Variants in IQSEC2 observed in about 807,000 individuals in gnomAD.
IQSEC2 encodes IQ motif and SEC7 domain-containing protein 2.
Under a neutral mutation model 74.6 loss-of-function variants are expected in IQSEC2, and 6 were observed. The ratio of observed to expected loss-of-function variants is 0.08; its 90% CI spans 0.04 to 0.16. The LOEUF (loss-of-function observed/expected upper bound fraction) is 0.16. IQSEC2 is among the 10% of genes least tolerant of loss of function. The pLI is 1.00. For synonymous variants in IQSEC2, 494 were observed against 544.5 expected, an observed-to-expected ratio of 0.91 and a Z score of 1.29; for missense variants, 734 against 1,306.2, an observed-to-expected ratio of 0.56 and a Z score of 6.75.
chrX:53,267,055 C>G, intron 2 of IQSEC2: 1 of 1,152,338 alleles, frequency 8.7e-7, no homozygotes, highest in Non-Finnish European at 1.1e-6. Context: ...CCTCCTCCTC[C>G]TCCTCTTCCC....
chrX:53,252,265 T>C (rs782735113), intron 4 of IQSEC2, among the ~76,000 whole-genome samples: 5 of 108,799 alleles, frequency 4.6e-5, no homozygotes, highest in Non-Finnish European at 9.5e-5. Flanking sequence ...TTCGCCATGA[T>C]GGACAGGCTG....
rs1556861372 is a variant in IQSEC2, at chrX:53,243,444, C to T, written c.2777G>A (p.Arg926Gln). ...RGVDNGEDIP[R>Q]DLLVGIYQRI... ...CTGGTAGATGCCCACCAGGAGGTCT[C>T]GGGGGATGTCTTCACCATTGTCAAC... Residue 926 changes from arginine to glutamine, a missense_variant, in exon 9 of 15, where the codon CGA becomes CAA. Coordinates refer to ENST00000642864, the MANE Select transcript of IQSEC2 (RefSeq NM_001111125.3). 31 of 1,176,647 alleles carry T rather than the reference C, an allele frequency of 2.6e-5. No homozygotes were observed. The highest frequency in any genetic ancestry group is 3.4e-5 in the Non-Finnish European group (30 of 877,293).
intron 1 of IQSEC2, among the ~76,000 whole-genome samples, chrX:53,307,000 C>T (rs1556876788): frequency 9.0e-6 from 1 of 110,536 alleles, no homozygotes; most frequent in East Asian, 2.9e-4. Flanking sequence ...TTCCCTGCCA[C>T]CCCAACCCCC....
intron 1 of IQSEC2, among the ~76,000 whole-genome samples, chrX:53,306,678 C>T (rs1210116545): frequency 5.4e-5 from 6 of 111,549 alleles, no homozygotes; most frequent in African/African-American, 2.0e-4. Flanking sequence ...CTCCCAGGAC[C>T]CCACCATAAT....
chrX:53,295,270 G>C (rs1333424159), intron 1 of IQSEC2, among the ~76,000 whole-genome samples: 1 of 112,052 alleles, frequency 8.9e-6, no homozygotes, highest in Admixed American at 9.5e-5. Flanking sequence ...TCAAAAACAG[G>C]CATGTAATCT....
intron 2 of IQSEC2, among the ~76,000 whole-genome samples, chrX:53,284,948 G>A (rs2075011044): frequency 8.9e-6 from 1 of 112,317 alleles, no homozygotes; most frequent in Non-Finnish European, 1.9e-5. Context: ...TAAGCAACCA[G>A]GGCCACAGTT....
intron 8 of IQSEC2, among the ~76,000 whole-genome samples, chrX:53,244,170 C>T (rs782443372): frequency 9.4e-6 from 1 of 105,891 alleles, no homozygotes; most frequent in East Asian, 2.9e-4. Flanking sequence ...GAGCCAAGAT[C>T]GCGCCACTGC....
intron 5 of IQSEC2, among the ~76,000 whole-genome samples, chrX:53,249,180 C>T (rs1017248928): frequency 9.0e-6 from 1 of 111,658 alleles, no homozygotes; most frequent in African/African-American, 3.3e-5. Context: ...AGAGCCTGCT[C>T]TATGCCAGGC....
At chrX:53,295,833 T>C (rs1449482169) in intron 1 of IQSEC2, among the ~76,000 whole-genome samples, 1 of 110,004 alleles carries the variant, frequency 9.1e-6, no homozygotes, top group Non-Finnish European at 1.9e-5. Context: ...GGGAACAATA[T>C]GGTGCCTCTT....
intron 1 of IQSEC2, among the ~76,000 whole-genome samples, chrX:53,317,926 T>C (rs1556879479): frequency 8.9e-6 from 1 of 111,789 alleles, no homozygotes. Flanking sequence ...CCTTCTTCCC[T>C]GCCGCTGTCA....
Position 53,248,107 on chromosome X carries a change from G to C in IQSEC2, c.2582+7C>G. On this transcript the variant is annotated splice_region_variant and intron_variant, in intron 7 of 14. Transcript: ENST00000642864. ...GGGGCAGCTTCGCGAGTGGGAGGTA[G>C]GCACACCTGAAGGCTTCGATGAGTC... The C allele has an allele frequency of 8.3e-7, 1 of 1,211,335 alleles. No individual in the cohort carries two copies. Among genetic ancestry groups the C allele is most frequent in the Non-Finnish European group, 1.1e-6 (1 of 895,241 alleles).
chrX:53,309,103 C>CA (rs56674253), intron 1 of IQSEC2, among the ~76,000 whole-genome samples: 804 of 37,208 alleles, frequency 0.022, 8 homozygotes, highest in South Asian at 0.077. Context: ...GACCCTGTCT[C>CA]AAAAAAAAAA....
At chrX:53,292,742 A>G (rs1318848317) in intron 1 of IQSEC2, among the ~76,000 whole-genome samples, 2 of 111,029 alleles carry the variant, frequency 1.8e-5, no homozygotes, top group Non-Finnish European at 3.8e-5. Flanking sequence ...TCCCAAGAAG[A>G]GTGTGAGAGT....
At chrX:53,313,450 C>T (rs1426783577) in intron 1 of IQSEC2, among the ~76,000 whole-genome samples, 1 of 111,963 alleles carries the variant, frequency 8.9e-6, no homozygotes. Context: ...TGGGCTTCCC[C>T]GTGTAAATGC....
Position 53,254,743 on chromosome X carries a change from C to T in IQSEC2, c.1188G>A (p.Glu396=), listed in dbSNP as rs782503727. The change falls in exon 4 of 15, where the codon GAG becomes GAA. Residue 396 remains glutamate, a synonymous_variant. Transcript: ENST00000642864. Reference sequence around the variant, plus strand: ...ACGCGGGGTTCTGTGCCTTCTCATACTCCTCAAAGGAGAACTGCATCCGCA... The same window carrying T: ...ACGCGGGGTTCTGTGCCTTCTCATATTCCTCAAAGGAGAACTGCATCCGCA... The part of the protein sequence containing the change: ...SNMRMQFSFE[E]YEKAQNPAYF... 3.7e-5 allele frequency: 45 copies of T among 1,205,496 alleles called. No homozygotes were observed. The highest frequency in any genetic ancestry group is 4.9e-5 in the Non-Finnish European group (44 of 892,073).
rs1556859368 is a variant in IQSEC2, at chrX:53,235,182, C to A, written c.3504G>T (p.Gly1168=). ...SVGSLDSTIE[G]SVISSPRPHQ... ...GAGGGCGTGGACTGCTAATAACAGA[C>A]CCCTGGAAGCGGGGAGGGGGGAAGT... is the stretch of plus-strand genomic sequence containing the variant. Residue 1168 remains glycine, a splice_region_variant and synonymous_variant, in exon 15 of 15, where the codon GGG becomes GGT. Transcript: ENST00000642864. The A allele has an allele frequency of 8.6e-7, 1 of 1,164,363 alleles. No individual in the cohort carries two copies. The highest frequency in any genetic ancestry group is 1.9e-5 in the South Asian group (1 of 52,617).
At chrX:53,249,543 T>C (rs73492138) in intron 5 of IQSEC2, among the ~76,000 whole-genome samples, 10,988 of 111,902 alleles carry the variant, frequency 0.098, 489 homozygotes, top group African/African-American at 0.17. Context: ...TGGTTCCTTA[T>C]CTACAAAATA....
chrX:53,252,735 T>C (rs1457804835), intron 4 of IQSEC2, among the ~76,000 whole-genome samples: 1 of 112,269 alleles, frequency 8.9e-6, no homozygotes, highest in Non-Finnish European at 1.9e-5. Context: ...ACCCAGAAAC[T>C]GTATGAAATA....
In IQSEC2 at chrX:53,321,296, G is replaced by A; in HGVS notation, c.-173C>T. On this transcript the variant is annotated 5_prime_UTR_variant, in exon 1 of 15. Coordinates refer to ENST00000642864, the MANE Select transcript of IQSEC2 (RefSeq NM_001111125.3). ...CCCGGGAGACAGCGCTGGGGCCGGC[G>A]GCACGGGGAGCAGGAGCTGAGGCTG... The A allele has an allele frequency of 6.6e-6, 2 of 302,036 alleles. No homozygotes were observed. Among genetic ancestry groups the A allele is most frequent in the Non-Finnish European group, 1.1e-5 (2 of 176,639 alleles). 24.9% of individuals were successfully genotyped at this position (302,036 alleles called of 1,213,427 possible).
Sources: gnomAD v4.1 joint callset for allele counts (sites outside exome capture counted in the v4.1 genomes callset) on GRCh38, gnomAD v4.1.1 for gene constraint, MANE v1.5 for transcripts, NCBI Gene and HGNC (gene_info 2026-07-23, HGNC 2026-07-21) for gene names.